The following CNKSR3 variants were observed in gnomAD, a reference collection of about 807,000 sequenced individuals.
CNKSR3 encodes CNKSR family member 3.
CNKSR3 carries 36 observed loss-of-function variants against 67.7 expected under a neutral mutation model. That is an observed-to-expected ratio of 0.53 (90% confidence interval 0.41 to 0.70). The LOEUF is 0.70. Among genes scored for constraint, CNKSR3 ranks in the 30% least tolerant of loss-of-function variants. The pLI, the probability that CNKSR3 is intolerant of heterozygous loss-of-function variation, is 0.00. For synonymous variants in CNKSR3, 281 were observed against 271.4 expected (o/e 1.04, Z -0.35); for missense variants, 630 against 695.2 (o/e 0.91, Z 1.05).
intron 9 of CNKSR3, among the ~76,000 whole-genome samples, chr6:154,415,940 G>A (rs1490893144): frequency 6.6e-6 from 1 of 152,124 alleles, no homozygotes; most frequent in Non-Finnish European, 1.5e-5. Flanking sequence ...GGAAATATTT[G>A]GTGAAGGCCA....
chr6:154,479,608 A>C (rs910406709), intron 1 of CNKSR3, among the ~76,000 whole-genome samples: 38 of 152,240 alleles, frequency 2.5e-4, no homozygotes, highest in Non-Finnish European at 4.0e-4. Flanking sequence ...AAGGACTGAC[A>C]ATAATTACTG....
chr6:154,455,220 G>A (rs1785928906), intron 1 of CNKSR3, among the ~76,000 whole-genome samples: 1 of 151,794 alleles, frequency 6.6e-6, no homozygotes, highest in African/African-American at 2.4e-5. Flanking sequence ...TCGGGATGTT[G>A]AGGCAGAAGA....
chr6:154,416,129 A>G (rs545703724), intron 9 of CNKSR3, among the ~76,000 whole-genome samples: 29 of 152,334 alleles, frequency 1.9e-4, no homozygotes, highest in Admixed American at 1.4e-3. Flanking sequence ...AAAAAAAACA[A>G]AAACGAAAAC....
At position 154,510,340 on chromosome 6, in the gene CNKSR3, TCCC is replaced by T. The variant is rs1177378969; in HGVS notation, c.-229_-227del. On this transcript the variant is annotated 5_prime_UTR_variant, in exon 1 of 13. Coordinates refer to ENST00000607772, the MANE Select transcript of CNKSR3 (RefSeq NM_173515.4). ...CCACAGTCCAGCTGCAGCTCCTCCT[TCCC>T]CCGCCGCCGCCGGGATCCCGGGCAC... The T allele has an allele frequency of 1.1e-5, 6 of 539,706 alleles. No homozygotes were observed. In the African/African-American group the frequency reaches 1.2e-4, roughly 11 times the overall value. The allele number at this position is 539,706 out of a possible 1,614,324, so 33.4% of individuals were successfully genotyped here.
At chr6:154,455,063 C>G (rs948859916) in intron 1 of CNKSR3, among the ~76,000 whole-genome samples, 12 of 151,550 alleles carry the variant, frequency 7.9e-5, no homozygotes, top group African/African-American at 2.4e-4. Context: ...AATCCCAGCA[C>G]TTTGGGAGGC....
chr6:154,505,935 G>A (rs911037288), intron 1 of CNKSR3, among the ~76,000 whole-genome samples: 7 of 152,158 alleles, frequency 4.6e-5, no homozygotes, highest in Non-Finnish European at 8.8e-5. Flanking sequence ...GCAGAAAAAC[G>A]ACTTGTGGTA....
At chr6:154,436,474 T>C (rs2128716630) in intron 4 of CNKSR3, among the ~76,000 whole-genome samples, 1 of 152,298 alleles carries the variant, frequency 6.6e-6, no homozygotes, top group East Asian at 1.9e-4. Flanking sequence ...TTGTTTTCTT[T>C]CCATTCAGTT....
chr6:154,439,442 C>T (rs535226010), intron 4 of CNKSR3, among the ~76,000 whole-genome samples: 135 of 152,202 alleles, frequency 8.9e-4, no homozygotes, highest in Non-Finnish European at 1.7e-3. Flanking sequence ...CCCTTTCTCT[C>T]CTCTCCCTAC....
intron 1 of CNKSR3, among the ~76,000 whole-genome samples, chr6:154,485,084 A>AT (rs1271514112): frequency 7.2e-5 from 11 of 151,982 alleles, no homozygotes; most frequent in Non-Finnish European, 1.5e-4. Flanking sequence ...TTTTTGGTGG[A>AT]TTTTTTCAAC....
intron 2 of CNKSR3, among the ~76,000 whole-genome samples, chr6:154,443,034 A>T (rs926059016): frequency 1.1e-4 from 16 of 152,042 alleles, no homozygotes; most frequent in African/African-American, 3.9e-4. Context: ...AATAGCTGGG[A>T]TTACAGGCGC....
intron 1 of CNKSR3, among the ~76,000 whole-genome samples, chr6:154,508,614 T>C (rs916590897): frequency 6.6e-6 from 1 of 152,240 alleles, no homozygotes; most frequent in Non-Finnish European, 1.5e-5. Flanking sequence ...AGCGTGGGCA[T>C]GGATGGCTTT....
chr6:154,442,151 T>C lies in CNKSR3; in HGVS notation c.356A>G (p.Glu119Gly). 1.2e-6 allele frequency: 2 copies of C among 1,614,118 alleles called. No homozygotes were observed. Among genetic ancestry groups the C allele is most frequent in the East Asian group, 2.2e-5 (1 of 44,888 alleles). Reference protein sequence around the residue: ...DGNTSRKAPNEFLTSVVELIG... With the variant: ...DGNTSRKAPNGFLTSVVELIG... ...GAGCTCCACCACCGAGGTCAGGAAC[T>C]CATTGGGGGCCTTGCGGGAGGTGTT... Residue 119 changes from glutamate (E) to glycine (G), a missense_variant, in exon 3 of 13, where the codon GAG becomes GGG. Glu to Gly is a moderately conservative substitution (Grantham distance 98, BLOSUM62 -2). Transcript: ENST00000607772.
chr6:154,438,505 T>C (rs1785518493), intron 4 of CNKSR3, among the ~76,000 whole-genome samples: 1 of 152,168 alleles, frequency 6.6e-6, no homozygotes, highest in Non-Finnish European at 1.5e-5. Flanking sequence ...TCCCACCAAA[T>C]TATCTGGTAA....
chr6:154,485,922 C>T (rs1786656537), intron 1 of CNKSR3, among the ~76,000 whole-genome samples: 1 of 152,114 alleles, frequency 6.6e-6, no homozygotes, highest in Non-Finnish European at 1.5e-5. Flanking sequence ...GGGCTTGGCG[C>T]GACGGGACAC....
chr6:154,400,923 A>G lies in CNKSR3; in HGVS notation c.*5431T>C, dbSNP rs1784709302. ...TAATTTTTTTCTAATTCCATATGCT[A>G]TAGGCTACAAAATATATATTTAAAT... On this transcript the variant is annotated 3_prime_UTR_variant, in exon 13 of 13. Coordinates refer to ENST00000607772, the MANE Select transcript of CNKSR3 (RefSeq NM_173515.4). The G allele has an allele frequency of 6.6e-6, 1 of 152,198 alleles. No homozygotes were observed. Among genetic ancestry groups the G allele is most frequent in the Non-Finnish European group, 1.5e-5 (1 of 68,024 alleles). 9.4% of individuals were successfully genotyped at this position (152,198 alleles called of 1,614,324 possible).
At chr6:154,460,396 A>ATG in intron 1 of CNKSR3, among the ~76,000 whole-genome samples, 1 of 152,330 alleles carries the variant, frequency 6.6e-6, no homozygotes, top group East Asian at 1.9e-4. Flanking sequence ...GTGTGCGTGC[A>ATG]TGTGTGTGTA....
In CNKSR3 at chr6:154,396,841, C is replaced by T. The variant is rs1321277473; in HGVS notation, c.*9513G>A. The T allele has an allele frequency of 6.6e-6, 1 of 151,608 alleles. No individual in the cohort carries two copies. Among genetic ancestry groups the T allele is most frequent in the African/African-American group, 2.4e-5 (1 of 41,268 alleles). 9.4% of individuals were successfully genotyped at this position (151,608 alleles called of 1,614,324 possible). On this transcript the variant is annotated 3_prime_UTR_variant, in exon 13 of 13. Coordinates refer to ENST00000607772, the MANE Select transcript of CNKSR3 (RefSeq NM_173515.4). ...TTGAGACGGAGTCTCGCTCTGTCTCCCAGGCTGGAGTGCAGTGGCGCAATC... is the reference window on the plus strand; with the variant it reads ...TTGAGACGGAGTCTCGCTCTGTCTCTCAGGCTGGAGTGCAGTGGCGCAATC...
rs1235026209 is a variant in CNKSR3 at position 154,406,722 on chromosome 6, C to G, written c.1370-70G>C. ...TGGTGGCTCACACCTGTAATCTCCG[C>G]ACTTTGGGAGGTCGAGGTGGGTGGA... On this transcript the variant is annotated intron_variant, in intron 12 of 12. Coordinates refer to ENST00000607772, the MANE Select transcript of CNKSR3 (RefSeq NM_173515.4). 11 of 1,407,036 alleles carry G rather than the reference C, an allele frequency of 7.8e-6. No homozygotes were observed. The East Asian group carries it at 2.5e-4, about 32-fold the overall frequency. The allele number at this position is 1,407,036 out of a possible 1,614,324, so 87.2% of individuals were successfully genotyped here.
intron 1 of CNKSR3, among the ~76,000 whole-genome samples, chr6:154,456,707 C>CAA (rs10536163): frequency 4.8e-4 from 22 of 45,392 alleles, no homozygotes; most frequent in African/African-American, 1.0e-3. Context: ...AACTCTGTCT[C>CAA]AAAAAAAAAA....
Sources: allele counts gnomAD v4.1 joint callset (sites outside exome capture counted in the v4.1 genomes callset), GRCh38; gene constraint gnomAD v4.1.1; transcripts MANE v1.5; gene names NCBI Gene and HGNC (gene_info 2026-07-23, HGNC 2026-07-21).